Variants in RNF6 observed in about 807,000 individuals in gnomAD.
RNF6 encodes the protein E3 ubiquitin-protein ligase RNF6.
A neutral mutation model predicts 50.1 loss-of-function variants in RNF6; 21 were observed. The observed-to-expected ratio is 0.42, with a 90% CI of 0.30 to 0.60. The LOEUF (loss-of-function observed/expected upper bound fraction) is 0.60, where lower values mean the gene tolerates loss of function less well. Ranked by LOEUF, RNF6 falls within the 20% of genes least tolerant of loss-of-function variation. The probability of loss-of-function intolerance (pLI) is 0.20; values close to 1 mark genes in which losing one functional copy is unlikely to be tolerated. For synonymous variants in RNF6, 255 were observed against 291.8 expected, an observed-to-expected ratio of 0.87 and a Z score of 1.29; for missense variants, 698 against 838.2, an observed-to-expected ratio of 0.83 and a Z score of 2.07.
downstream of RNF6, among the ~76,000 whole-genome samples, chr13:26,211,203 T>G (rs1372037690): frequency 6.6e-6 from 1 of 152,228 alleles, no homozygotes; most frequent in African/African-American, 2.4e-5. Context: ...GGTTATCAAT[T>G]TATGAAATTC....
intron 5 of RNF6, among the ~76,000 whole-genome samples, chr13:26,204,488 C>T (rs1869020200): frequency 8.3e-6 from 1 of 119,912 alleles, no homozygotes; most frequent in Non-Finnish European, 1.6e-5. Context: ...CAGAGCGAGA[C>T]TCCACCTCAA....
At position 26,195,560 on chromosome 13, in the gene RNF6, G is replaced by T. The variant is rs184493178; in HGVS notation, n.768+19914C>A. ...TGGAATCTCAGAGAACACCAAGCAG[G>T]ATAAATGCCAAACACAAACAAATTA... On this transcript the variant is annotated intron_variant and non_coding_transcript_variant, in intron 5 of 5. Transcript: ENST00000468480. Among the ~76,000 whole-genome samples, 16 of 152,194 alleles carry T rather than the reference G, an allele frequency of 1.1e-4. No homozygotes were observed. In the East Asian group the frequency reaches 3.1e-3, roughly 29 times the overall value.
Position 26,214,358 on chromosome 13 carries a change from T to C in RNF6, c.1524A>G (p.Arg508=). Residue 508 remains arginine, a synonymous_variant, in exon 5 of 5, where the codon AGA becomes AGG. Transcript: ENST00000381588. Reference sequence around the variant, plus strand: ...GCATGTCTGGTAAATGCTGGCCATTTCTTTGAAGTTCTGACTCAGAATCGG... The same window carrying C: ...GCATGTCTGGTAAATGCTGGCCATTCCTTTGAAGTTCTGACTCAGAATCGG... ...MEADSESELQ[R]NGQHLPDMHS... The C allele has an allele frequency of 6.2e-7, 1 of 1,614,142 alleles. No individual in the cohort carries two copies. The highest frequency in any genetic ancestry group is 8.5e-7 in the Non-Finnish European group (1 of 1,180,016).
chr13:26,180,366 T>A (rs1259192695), intron 5 of RNF6, among the ~76,000 whole-genome samples: 3 of 152,104 alleles, frequency 2.0e-5, no homozygotes, highest in African/African-American at 7.2e-5. Context: ...CTTTCCAGTT[T>A]AGAGGGTCAC....
At chr13:26,188,563 T>C (rs994903252) in intron 5 of RNF6, among the ~76,000 whole-genome samples, 4 of 144,544 alleles carry the variant, frequency 2.8e-5, no homozygotes, top group Non-Finnish European at 6.0e-5. Flanking sequence ...GGAGTTTAGG[T>C]GAAAGCTGCA....
At chr13:26,162,285 C>G (rs186017347) in intron 5 of RNF6, among the ~76,000 whole-genome samples, 49 of 152,322 alleles carry the variant, frequency 3.2e-4, no homozygotes, top group African/African-American at 1.2e-3. Flanking sequence ...TGGAATCATT[C>G]AAACTAGCCA....
chr13:26,161,910 T>C lies in RNF6; in HGVS notation n.769-29459A>G, dbSNP rs111865527. Among the ~76,000 whole-genome samples the C allele has an allele frequency of 9.9e-3, 1,502 of 152,340 alleles. 7 individuals are homozygous for C. Among genetic ancestry groups the C allele is most frequent in the Non-Finnish European group, 0.015 (1,047 of 68,022 alleles). On this transcript the variant is annotated intron_variant and non_coding_transcript_variant, in intron 5 of 5. Transcript: ENST00000468480. ...TTAGCTTCCAGGGAATCCAATGTCA[T>C]GTTGTCAGTTGACCCAAGTCAACTC...
At chr13:26,147,761 T>C (rs73158240) in intron 5 of RNF6, among the ~76,000 whole-genome samples, 1 of 152,286 alleles carries the variant, frequency 6.6e-6, no homozygotes, top group Non-Finnish European at 1.5e-5. Context: ...TTTTCAGCAA[T>C]CTCAGGTCTG....
chr13:26,142,438 C>G (rs1034973964), intron 5 of RNF6: 9 of 152,186 alleles, frequency 5.9e-5, no homozygotes, highest in African/African-American at 1.9e-4. Flanking sequence ...TTCATCACAG[C>G]ACTATTCACA....
At chr13:26,218,114 C>T (rs1870085571) in intron 4 of RNF6, among the ~76,000 whole-genome samples, 1 of 152,152 alleles carries the variant, frequency 6.6e-6, no homozygotes, top group South Asian at 2.1e-4. Context: ...TATATGTAAA[C>T]CATCAAACAG....
At chr13:26,208,588 G>C (rs924927371), downstream of RNF6, among the ~76,000 whole-genome samples, 3 of 152,168 alleles carry the variant, frequency 2.0e-5, no homozygotes, top group Non-Finnish European at 4.4e-5. Flanking sequence ...AGATTCCTAT[G>C]AGATCTTTTA....
chr13:26,181,959 C>T (rs1375943835), intron 5 of RNF6, among the ~76,000 whole-genome samples: 2 of 152,152 alleles, frequency 1.3e-5, no homozygotes, highest in Non-Finnish European at 2.9e-5. Flanking sequence ...GACCCAGGAT[C>T]TAATCAAGGA....
intron 5 of RNF6, among the ~76,000 whole-genome samples, chr13:26,179,799 C>T (rs1873145629): frequency 6.6e-6 from 1 of 152,340 alleles, no homozygotes; most frequent in South Asian, 2.1e-4. Context: ...TTGACTGACA[C>T]GATCTCAGGG....
At chr13:26,154,856 C>G (rs892830073) in intron 5 of RNF6, among the ~76,000 whole-genome samples, 3 of 151,952 alleles carry the variant, frequency 2.0e-5, no homozygotes, top group Non-Finnish European at 4.4e-5. Flanking sequence ...ATGGCAAAAC[C>G]CTGTCTCTAC....
At chr13:26,155,185 T>C (rs1480736243) in intron 5 of RNF6, among the ~76,000 whole-genome samples, 2 of 151,812 alleles carry the variant, frequency 1.3e-5, no homozygotes, top group African/African-American at 2.4e-5. Flanking sequence ...AGGAGGCTTG[T>C]TTGACCCCAG....
intron 5 of RNF6, among the ~76,000 whole-genome samples, chr13:26,167,726 C>T (rs1872518376): frequency 6.6e-6 from 1 of 152,146 alleles, no homozygotes; most frequent in South Asian, 2.1e-4. Context: ...ATAAATTGTT[C>T]TACCATAAAG....
chr13:26,152,097 CTA>C (rs1332494667), intron 5 of RNF6, among the ~76,000 whole-genome samples: 1 of 152,172 alleles, frequency 6.6e-6, no homozygotes, highest in Non-Finnish European at 1.5e-5. Context: ...CCACTCTATC[CTA>C]TGTTACCCAA....
At chr13:26,221,724 G>A (rs544485731) in intron 1 of RNF6, 2 of 152,266 alleles carry the variant, frequency 1.3e-5, no homozygotes, top group Admixed American at 6.5e-5. Context: ...ACGGAAGCTC[G>A]CGCCGGGGGA....
downstream of RNF6, among the ~76,000 whole-genome samples, chr13:26,207,859 C>G (rs1869170279): frequency 6.6e-6 from 1 of 152,212 alleles, no homozygotes; most frequent in African/African-American, 2.4e-5. Flanking sequence ...TCCCACCTGG[C>G]CCCCACACGG....
Sources: allele counts gnomAD v4.1 joint callset (sites outside exome capture counted in the v4.1 genomes callset), GRCh38; gene constraint gnomAD v4.1.1; transcripts MANE v1.5; gene names NCBI Gene and HGNC (gene_info 2026-07-23, HGNC 2026-07-21).